The following CUEDC1 variants were observed in gnomAD, a reference collection of about 807,000 sequenced individuals.
CUEDC1 encodes the protein CUE domain containing 1, also known as CUE domain-containing protein 1.
In CUEDC1, 30 loss-of-function variants were observed where a neutral mutation model predicts 43.7. The ratio of observed to expected loss-of-function variants is 0.69; its 90% CI spans 0.51 to 0.93. The LOEUF (loss-of-function observed/expected upper bound fraction) is 0.93, where lower values mean the gene tolerates loss of function less well. Among genes scored for constraint, CUEDC1 ranks in the 40% least tolerant of loss-of-function variants. The pLI is 0.00. For synonymous variants in CUEDC1, 223 were observed against 223.6 expected, an observed-to-expected ratio of 1.00 and a Z score of 0.02; for missense variants, 486 against 549.0, an observed-to-expected ratio of 0.89 and a Z score of 1.15.
Position 57,879,687 on chromosome 17 carries a change from C to G in CUEDC1, c.388G>C (p.Val130Leu), listed in dbSNP as rs1188255021. 1.2e-6 allele frequency: 2 copies of G among 1,602,180 alleles called. No individual in the cohort carries two copies. The highest frequency in any genetic ancestry group is 8.5e-7 in the Non-Finnish European group (1 of 1,175,720). The change falls in exon 3 of 11, where the codon GTG (valine) becomes CTG (leucine). Residue 130 changes from valine (V) to leucine (L), a missense_variant. Coordinates refer to ENST00000577830, the MANE Select transcript of CUEDC1 (RefSeq NM_001271875.2). ...ATGTGGTAGGCTGGCGGGGAGTACA[C>G]AGGTGGGGGCTCTTCATCCGAGCTA... is the stretch of plus-strand genomic sequence containing the variant. ...PDSSDEEPPP[V>L]YSPPAYHMHV...
intron 1 of CUEDC1, among the ~76,000 whole-genome samples, chr17:57,895,945 C>T (rs1202102172): frequency 6.6e-6 from 1 of 152,044 alleles, no homozygotes; most frequent in Non-Finnish European, 1.5e-5. Flanking sequence ...AGGCTGAAGG[C>T]CCCCCCAGTA....
chr17:57,915,477 T>C (rs2074629727), intron 1 of CUEDC1, among the ~76,000 whole-genome samples: 1 of 152,024 alleles, frequency 6.6e-6, no homozygotes, highest in Non-Finnish European at 1.5e-5. Context: ...TAAAATGAAG[T>C]CTTTTTTTAA....
chr17:57,871,344 T>C lies in CUEDC1; in HGVS notation c.810A>G (p.Lys270=), dbSNP rs748875836. 6 of 1,613,944 alleles carry C rather than the reference T, an allele frequency of 3.7e-6. No homozygotes were observed. In the Admixed American group the frequency reaches 6.7e-5, roughly 18 times the overall value. The change falls in exon 6 of 11, where the codon AAA becomes AAG. Residue 270 remains lysine, a synonymous_variant. Coordinates refer to ENST00000577830, the MANE Select transcript of CUEDC1 (RefSeq NM_001271875.2). ...CGACAGCCACGCTGCTGGATTTAGA[T>C]TTCTGGGATTCGTATTTCAATCGAT... ...ERDRLKYESQ[K]SKSSSVAVGN...
chr17:57,910,056 A>G (rs978339690), intron 1 of CUEDC1, among the ~76,000 whole-genome samples: 1 of 152,156 alleles, frequency 6.6e-6, no homozygotes, highest in Non-Finnish European at 1.5e-5. Flanking sequence ...TTGCAGGACC[A>G]TAGCTCACTG....
At chr17:57,945,721 T>C (rs2074954422) in intron 1 of CUEDC1, among the ~76,000 whole-genome samples, 1 of 152,132 alleles carries the variant, frequency 6.6e-6, no homozygotes, top group Non-Finnish European at 1.5e-5. Flanking sequence ...TAATTAACAA[T>C]CATTATGTAA....
intron 1 of CUEDC1, among the ~76,000 whole-genome samples, chr17:57,909,092 A>G (rs898632822): frequency 6.6e-6 from 1 of 152,182 alleles, no homozygotes; most frequent in Non-Finnish European, 1.5e-5. Flanking sequence ...CTGGTCATGT[A>G]TGACAATAAA....
At chr17:57,865,427 AAGTG>A (rs1482159224) in intron 10 of CUEDC1, among the ~76,000 whole-genome samples, 3 of 152,180 alleles carry the variant, frequency 2.0e-5, no homozygotes, top group African/African-American at 4.8e-5. Flanking sequence ...ATCCTGAGGC[AAGTG>A]AGTATTTCTC....
intron 3 of CUEDC1, among the ~76,000 whole-genome samples, chr17:57,876,770 G>A (rs1013572230): frequency 6.6e-6 from 1 of 152,184 alleles, no homozygotes; most frequent in African/African-American, 2.4e-5. Flanking sequence ...GGGAAGCCTC[G>A]CCCCTGGTCT....
intron 1 of CUEDC1, among the ~76,000 whole-genome samples, chr17:57,901,581 G>A (rs1193370184): frequency 6.6e-6 from 1 of 152,190 alleles, no homozygotes; most frequent in Admixed American, 6.5e-5. Context: ...ATCAAACAAA[G>A]GCACTGCCAA....
intron 3 of CUEDC1, among the ~76,000 whole-genome samples, chr17:57,874,976 C>T (rs2074095559): frequency 6.6e-6 from 1 of 152,136 alleles, no homozygotes; most frequent in African/African-American, 2.4e-5. Flanking sequence ...CACGCCTCGT[C>T]CACCCTCTCC....
intron 1 of CUEDC1, among the ~76,000 whole-genome samples, chr17:57,913,600 G>T (rs1291142504): frequency 6.6e-6 from 1 of 152,182 alleles, no homozygotes; most frequent in Non-Finnish European, 1.5e-5. Context: ...AGGCTGCAGG[G>T]GCTGTAAAGC....
chr17:57,950,273 C>T lies in CUEDC1; in HGVS notation c.-316+4952G>A, dbSNP rs951078610. Reference sequence around the variant, plus strand: ...TCAAGCGATTCTCCTGCCTCAGCTTCCCAAGTAGCTGGGACTACAGGCGCC... The same window carrying T: ...TCAAGCGATTCTCCTGCCTCAGCTTTCCAAGTAGCTGGGACTACAGGCGCC... On this transcript the variant is annotated intron_variant, in intron 1 of 10. Transcript: ENST00000577830. Among the ~76,000 whole-genome samples the T allele has an allele frequency of 4.0e-5, 6 of 151,882 alleles. No individual in the cohort carries two copies. The East Asian group carries it at 1.2e-3, about 29-fold the overall frequency.
At chr17:57,949,697 TGAGTAGCTGGGACTACA>T (rs1206871662) in intron 1 of CUEDC1, among the ~76,000 whole-genome samples, 1 of 150,042 alleles carries the variant, frequency 6.7e-6, no homozygotes, top group Non-Finnish European at 1.5e-5. Context: ...CTACGCCTCC[TGAGTAGCTGGGACTACA>T]GATACATGCC....
intron 1 of CUEDC1, among the ~76,000 whole-genome samples, chr17:57,912,779 C>A (rs2074597541): frequency 6.6e-6 from 1 of 152,154 alleles, no homozygotes; most frequent in Admixed American, 6.5e-5. Flanking sequence ...CGTATACAGG[C>A]CTACCTGGCA....
intron 1 of CUEDC1, among the ~76,000 whole-genome samples, chr17:57,923,410 G>A (rs1300461798): frequency 6.6e-6 from 1 of 152,204 alleles, no homozygotes; most frequent in African/African-American, 2.4e-5. Flanking sequence ...GCAGACAAGT[G>A]TGGCCACAAA....
intron 1 of CUEDC1, among the ~76,000 whole-genome samples, chr17:57,893,422 G>A (rs924384710): frequency 2.0e-5 from 3 of 151,324 alleles, no homozygotes; most frequent in Non-Finnish European, 4.4e-5. Flanking sequence ...CCCTGCAAAG[G>A]CTTGTTTTCT....
rs556893026 is a variant in CUEDC1, at chr17:57,926,981, G to T, written c.-316+28244C>A. Among the ~76,000 whole-genome samples the T allele has an allele frequency of 2.6e-5, 4 of 152,298 alleles. No individual in the cohort carries two copies. The East Asian group carries it at 7.7e-4, about 29-fold the overall frequency. ...GGAAACGTAGGGAGGTTGGAACCCA[G>T]CATCTCTGAGAAAGAGGCCCAGATG... On this transcript the variant is annotated intron_variant, in intron 1 of 10. Coordinates refer to ENST00000577830, the MANE Select transcript of CUEDC1 (RefSeq NM_001271875.2).
At position 57,862,275 on chromosome 17, in the gene CUEDC1, A is replaced by C. The variant is rs898771627; in HGVS notation, c.*1014T>G. On this transcript the variant is annotated 3_prime_UTR_variant, in exon 11 of 11. Coordinates refer to ENST00000577830, the MANE Select transcript of CUEDC1 (RefSeq NM_001271875.2). ...CCTCCTCAGATCACCCGCCCTTCTCAGGGGCACCCAGCAAGCCCTTATGCC... is the reference window on the plus strand; with the variant it reads ...CCTCCTCAGATCACCCGCCCTTCTCCGGGGCACCCAGCAAGCCCTTATGCC... 1 of 152,750 alleles carries C rather than the reference A, an allele frequency of 6.5e-6. No homozygotes were observed. Among genetic ancestry groups the C allele is most frequent in the African/African-American group, 2.4e-5 (1 of 41,452 alleles). 9.5% of individuals were successfully genotyped at this position (152,750 alleles called of 1,614,324 possible).
intron 1 of CUEDC1, among the ~76,000 whole-genome samples, chr17:57,887,053 C>A (rs1036871604): frequency 6.6e-6 from 1 of 152,058 alleles, no homozygotes; most frequent in African/African-American, 2.4e-5. Context: ...GATCTCCTGA[C>A]CTCGTGATCT....
Sources: gnomAD v4.1 joint callset for allele counts (sites outside exome capture counted in the v4.1 genomes callset) on GRCh38, gnomAD v4.1.1 for gene constraint, MANE v1.5 for transcripts, NCBI Gene and HGNC (gene_info 2026-07-23, HGNC 2026-07-21) for gene names.